The following BCL2L12 variants were observed in gnomAD, a reference collection of about 807,000 sequenced individuals.
The protein encoded by BCL2L12 is bcl-2-like protein 12.
A neutral mutation model predicts 25.7 loss-of-function variants in BCL2L12; 27 were observed. That is an observed-to-expected ratio of 1.05 (90% CI 0.78 to 1.45). The LOEUF (loss-of-function observed/expected upper bound fraction) is 1.45. BCL2L12 is among the 40% of genes most tolerant of loss of function. The probability of loss-of-function intolerance (pLI) is 0.00; values close to 1 mark genes in which losing one functional copy is unlikely to be tolerated. For missense variants in BCL2L12, 302 were observed against 329.8 expected (o/e 0.92, Z 0.65); for synonymous variants, 132 against 145.6 (o/e 0.91, Z 0.67).
upstream of BCL2L12, chr19:49,665,827 G>A (rs753664304): frequency 6.9e-6 from 11 of 1,590,328 alleles, no homozygotes; most frequent in East Asian, 4.5e-5. Context: ...AAAGCCGATG[G>A]GACGGCCCGC....
intron 2 of BCL2L12, 83 bp from the exon 3 acceptor site, chr19:49,666,936 A>G (rs2081800867): frequency 6.4e-7 from 1 of 1,554,464 alleles, no homozygotes; most frequent in Non-Finnish European, 8.7e-7. Flanking sequence ...AGAGGTCCTC[A>G]GCGGGGGAGG....
At position 49,669,034 on chromosome 19, in the gene BCL2L12, T is replaced by TC; in HGVS notation, c.353dup (p.Ser119IlefsTer23). 6.2e-7 allele frequency: 1 copy of TC among 1,613,810 alleles called. No individual in the cohort carries two copies. Among genetic ancestry groups the TC allele is most frequent in the Non-Finnish European group, 8.5e-7 (1 of 1,179,930 alleles). On this transcript the variant is annotated frameshift_variant, in exon 5 of 7. Transcript: ENST00000246784. LOFTEE classifies it high-confidence loss of function. Reference sequence around the variant, plus strand: ...CTCTTCTGCCTCCAGAATTACAGGGTCCCCCATCGACAGAGAAGGAAGCCA... The same window carrying TC: ...CTCTTCTGCCTCCAGAATTACAGGGTCCCCCCATCGACAGAGAAGGAAGCCA...
intron 3 of BCL2L12, among the ~76,000 whole-genome samples, chr19:49,668,394 T>G (rs2081873485): frequency 6.6e-6 from 1 of 152,008 alleles, no homozygotes; most frequent in African/African-American, 2.4e-5. Context: ...CCACTGCGCC[T>G]GGCCCCAGCT....
chr19:49,665,677 T>TC (rs1876167214), upstream of BCL2L12: 2 of 1,122,936 alleles, frequency 1.8e-6, no homozygotes, highest in Admixed American at 2.5e-5. Flanking sequence ...CCCACCCCTG[T>TC]CTTGGAGCTC....
In BCL2L12 at chr19:49,666,692, C is replaced by T. The variant is rs1318557681; in HGVS notation, c.-1C>T. 3.9e-6 allele frequency: 6 copies of T among 1,551,914 alleles called. No individual in the cohort carries two copies. The highest frequency in any genetic ancestry group is 4.4e-6 in the Non-Finnish European group (5 of 1,147,012). ...TAACCCTCTCTCTCACAGGTGCCTC[C>T]ATGGCAGGCTCTGAAGAGCTGGGGC... is the stretch of plus-strand genomic sequence containing the variant. On this transcript the variant is annotated 5_prime_UTR_variant, in exon 2 of 7. Coordinates refer to ENST00000246784, the MANE Select transcript of BCL2L12 (RefSeq NM_138639.2).
chr19:49,665,824 A>T, upstream of BCL2L12: 2 of 1,587,966 alleles, frequency 1.3e-6, no homozygotes, highest in Non-Finnish European at 8.6e-7. Context: ...CCAAAAGCCG[A>T]TGGGACGGCC....
At chr19:49,668,590 G>A (rs575151739) in intron 3 of BCL2L12, among the ~76,000 whole-genome samples, 1 of 152,082 alleles carries the variant, frequency 6.6e-6, no homozygotes, top group East Asian at 2.0e-4. Flanking sequence ...GATTGCCTGA[G>A]GTCAGCCTGG....
upstream of BCL2L12, chr19:49,665,420 T>G: frequency 5.4e-6 from 1 of 185,646 alleles, no homozygotes; most frequent in Non-Finnish European, 1.1e-5. Flanking sequence ...TAGAACCCCC[T>G]CAGTGTAGAC....
upstream of BCL2L12, chr19:49,665,658 C>A: frequency 3.4e-6 from 3 of 879,530 alleles, no homozygotes; most frequent in South Asian, 1.8e-5. Flanking sequence ...GGCGTGCGGG[C>A]AGCTGGAACC....
At chr19:49,666,129 G>A (rs2122775392) in intron 1 of BCL2L12, 62 bp downstream of exon 1, 2 of 1,505,560 alleles carry the variant, frequency 1.3e-6, no homozygotes, top group Non-Finnish European at 1.8e-6. Context: ...GGGATCCAGT[G>A]GTGGGCACCC....
At chr19:49,669,939 G>C (rs1402090247) in intron 5 of BCL2L12, among the ~76,000 whole-genome samples, 2 of 152,180 alleles carry the variant, frequency 1.3e-5, no homozygotes, top group Non-Finnish European at 2.9e-5. Flanking sequence ...GTCACCAGGG[G>C]CATGGCTAGA....
In BCL2L12 at chr19:49,666,086, A is replaced by AG; in HGVS notation, c.-9+23dup. The stretch of plus-strand genomic sequence containing the variant: ...GGACCAGGTCAGCGGGGTGTTGACG[A>AG]GGGGTGGGGTGAGGAGGGAAGAGGA... On this transcript the variant is annotated intron_variant, in intron 1 of 6. Coordinates refer to ENST00000246784, the MANE Select transcript of BCL2L12 (RefSeq NM_138639.2). 1 of 1,454,182 alleles carries AG rather than the reference A, an allele frequency of 6.9e-7. No homozygotes were observed. The highest frequency in any genetic ancestry group is 2.9e-5 in the East Asian group (1 of 34,876). 90.1% of individuals were successfully genotyped at this position (1,454,182 alleles called of 1,614,324 possible).
At position 49,670,301 on chromosome 19, in the gene BCL2L12, G is replaced by A. The variant is rs531871675; in HGVS notation, c.515G>A (p.Arg172Gln). 11 of 1,610,272 alleles carry A rather than the reference G, an allele frequency of 6.8e-6. No homozygotes were observed. In the South Asian group the frequency reaches 9.9e-5, roughly 15 times the overall value. ...FARLVELFCS[R>Q]DDSSRPSRAC... ...CGCCTGGTGGAGCTGTTCTGTAGCC[G>A]GGATGACAGCTCTCGCCCAAGCCGA... Residue 172 changes from arginine (R) to glutamine (Q), a missense_variant, in exon 6 of 7, where the codon CGG becomes CAG. By Grantham distance (43) the Arg-to-Gln change is conservative (BLOSUM62 1). Coordinates refer to ENST00000246784, the MANE Select transcript of BCL2L12 (RefSeq NM_138639.2).
intron 1 of BCL2L12, 28 bp downstream of exon 1, chr19:49,666,095 G>A (rs1168518488): frequency 6.5e-7 from 1 of 1,533,320 alleles, no homozygotes; most frequent in Non-Finnish European, 8.8e-7. Flanking sequence ...GAGGGGTGGG[G>A]TGAGGAGGGA....
At chr19:49,673,618 C>A in intron 6 of BCL2L12, 80 bp from the exon 7 acceptor site, 1 of 1,215,116 alleles carries the variant, frequency 8.2e-7, no homozygotes, top group Non-Finnish European at 1.2e-6. Flanking sequence ...CGTCTCTAAT[C>A]TCACAGGGCT....
chr19:49,673,496 C>G (rs2082001943), intron 6 of BCL2L12, among the ~76,000 whole-genome samples: 1 of 152,138 alleles, frequency 6.6e-6, no homozygotes, highest in African/African-American at 2.4e-5. Flanking sequence ...CGAGCTCAAC[C>G]TTTCCTCCTC....
Position 49,668,873 on chromosome 19 carries a change from T to C in BCL2L12, c.273T>C (p.Tyr91=). ...LEPGPATPDF[Y]ALVAQRLEQL... Reference sequence around the variant, plus strand: ...CAGGCCCAGCTACTCCAGACTTCTATGCTTTGGTGGCCCAGCGGCTGGAAC... The same window carrying C: ...CAGGCCCAGCTACTCCAGACTTCTACGCTTTGGTGGCCCAGCGGCTGGAAC... Residue 91 remains tyrosine, a synonymous_variant, in exon 4 of 7, where the codon TAT becomes TAC. Transcript: ENST00000246784. The C allele has an allele frequency of 1.2e-6, 2 of 1,613,324 alleles. No individual in the cohort carries two copies. Among genetic ancestry groups the C allele is most frequent in the Non-Finnish European group, 1.7e-6 (2 of 1,179,960 alleles).
Position 49,670,325 on chromosome 19 carries a change from G to T in BCL2L12, c.539G>T (p.Arg180Leu). 1 of 1,605,342 alleles carries T rather than the reference G, an allele frequency of 6.2e-7. No homozygotes were observed. The highest frequency in any genetic ancestry group is 8.5e-7 in the Non-Finnish European group (1 of 1,177,130). The change falls in exon 6 of 7, where the codon CGA becomes CTA. Residue 180 changes from arginine (R) to leucine (L), a missense_variant. Coordinates refer to ENST00000246784, the MANE Select transcript of BCL2L12 (RefSeq NM_138639.2). ...CSRDDSSRPSRACPGPPPPSP... is the reference protein window; with the variant it reads ...CSRDDSSRPSLACPGPPPPSP... The stretch of plus-strand genomic sequence containing the variant: ...CGGGATGACAGCTCTCGCCCAAGCC[G>T]AGCATGCCCCGGGCCCCCGCCTCCT...
chr19:49,669,569 CAG>C (rs571572274), intron 5 of BCL2L12, among the ~76,000 whole-genome samples: 164 of 149,828 alleles, frequency 1.1e-3, no homozygotes, highest in Middle Eastern at 3.5e-3. Flanking sequence ...AGTTGAATGA[CAG>C]GGGTATGGTT....
Sources: gnomAD v4.1 joint callset for allele counts (sites outside exome capture counted in the v4.1 genomes callset) on GRCh38, gnomAD v4.1.1 for gene constraint, MANE v1.5 for transcripts, NCBI Gene and HGNC (gene_info 2026-07-23, HGNC 2026-07-21) for gene names.